UBE2K: variants seen among roughly 807,000 people sequenced by gnomAD.
UBE2K encodes ubiquitin conjugating enzyme E2 K.
In UBE2K, 6 loss-of-function variants were observed where a neutral mutation model predicts 30.0. The observed-to-expected ratio is 0.20, with a 90% CI of 0.11 to 0.39. The LOEUF is 0.39. Among genes scored for constraint, UBE2K ranks in the 10% least tolerant of loss-of-function variants. The probability of loss-of-function intolerance (pLI) is 1.00; values close to 1 mark genes in which losing one functional copy is unlikely to be tolerated. For synonymous variants in UBE2K, 86 were observed against 83.7 expected (o/e 1.03, Z -0.15); for missense variants, 61 against 241.6 (o/e 0.25, Z 4.96).
chr4:39,729,548 A>G (rs1325362014), intron 1 of UBE2K, among the ~76,000 whole-genome samples: 2 of 151,992 alleles, frequency 1.3e-5, no homozygotes, highest in African/African-American at 4.8e-5. Flanking sequence ...GCCTTAATTC[A>G]TCTTCTTTTC....
At chr4:39,751,981 A>T (rs1414628462) in intron 3 of UBE2K, among the ~76,000 whole-genome samples, 1 of 152,224 alleles carries the variant, frequency 6.6e-6, no homozygotes. Flanking sequence ...AAAGTAAAAA[A>T]ATAAGATTAA....
At chr4:39,742,152 T>A (rs189715768) in intron 2 of UBE2K, among the ~76,000 whole-genome samples, 1 of 152,126 alleles carries the variant, frequency 6.6e-6, no homozygotes, top group East Asian at 1.9e-4. Flanking sequence ...GTATGATGGG[T>A]TATAGAGATG....
At position 39,780,352 on chromosome 4, in the gene UBE2K, G is replaced by A. The variant is rs1050385888; in HGVS notation, c.*1918G>A. ...ACTTGGTAGTATTAGTAGAATTTGG[G>A]TTTAAAAATATCAGACACATCTACC... is the stretch of plus-strand genomic sequence containing the variant. On this transcript the variant is annotated 3_prime_UTR_variant, in exon 7 of 7. Coordinates refer to ENST00000261427, the MANE Select transcript of UBE2K (RefSeq NM_005339.5). 6 of 152,044 alleles carry A rather than the reference G, an allele frequency of 3.9e-5. No individual in the cohort carries two copies. Among genetic ancestry groups the A allele is most frequent in the Admixed American group, 1.3e-4 (2 of 15,250 alleles). The allele number at this position is 152,044 out of a possible 1,614,324, so 9.4% of individuals were successfully genotyped here.
rs570795450 is a variant in UBE2K, at chr4:39,770,235, T to C, written c.300-4599T>C. The stretch of plus-strand genomic sequence containing the variant: ...GCAGCGGTAGGGCTGCGCTCCCGAG[T>C]GCAGGTTGAGGTGGTCGTGCAGGGT... On this transcript the variant is annotated intron_variant, in intron 4 of 6. Coordinates refer to ENST00000261427, the MANE Select transcript of UBE2K (RefSeq NM_005339.5). The C allele has an allele frequency of 1.7e-4, 275 of 1,611,882 alleles. No individual in the cohort carries two copies. In the South Asian group the frequency reaches 2.3e-3, roughly 14 times the overall value.
At position 39,698,157 on chromosome 4, in the gene UBE2K, G is replaced by C; in HGVS notation, c.-171G>C. ...CGGCGCCATTTTGGTGGCCGGGCGCGGAGGTGATTCCACACTGAGGCGAGC... is the reference window on the plus strand; with the variant it reads ...CGGCGCCATTTTGGTGGCCGGGCGCCGAGGTGATTCCACACTGAGGCGAGC... On this transcript the variant is annotated 5_prime_UTR_variant, in exon 1 of 7. Transcript: ENST00000261427. 1 of 680,512 alleles carries C rather than the reference G, an allele frequency of 1.5e-6. No homozygotes were observed. Among genetic ancestry groups the C allele is most frequent in the Non-Finnish European group, 2.6e-6 (1 of 379,512 alleles). 42.2% of individuals were successfully genotyped at this position (680,512 alleles called of 1,614,324 possible). A position where few individuals can be genotyped will look rare whatever the true frequency, so the allele number is the denominator to read the frequency against.
chr4:39,717,266 C>T (rs1178427925), intron 1 of UBE2K, among the ~76,000 whole-genome samples: 1 of 148,952 alleles, frequency 6.7e-6, no homozygotes, highest in African/African-American at 2.5e-5. Flanking sequence ...TGGACTCTCG[C>T]TATATCGCCC....
intron 4 of UBE2K, among the ~76,000 whole-genome samples, chr4:39,766,455 C>T (rs191052875): frequency 2.3e-4 from 35 of 151,576 alleles, no homozygotes; most frequent in Non-Finnish European, 4.4e-4. Context: ...TGTTCACATC[C>T]CTTGTCGATT....
At chr4:39,705,597 A>G (rs1718306254) in intron 1 of UBE2K, among the ~76,000 whole-genome samples, 1 of 152,134 alleles carries the variant, frequency 6.6e-6, no homozygotes, top group Non-Finnish European at 1.5e-5. Flanking sequence ...GATACAGGGC[A>G]GACAAAGGAT....
At chr4:39,707,429 A>T (rs1001114775) in intron 1 of UBE2K, among the ~76,000 whole-genome samples, 12 of 151,484 alleles carry the variant, frequency 7.9e-5, no homozygotes, top group African/African-American at 2.9e-4. Flanking sequence ...CGAACTTCAG[A>T]CCTCAGGTGA....
At chr4:39,707,537 CTTTT>C (rs35461119) in intron 1 of UBE2K, among the ~76,000 whole-genome samples, 1 of 139,966 alleles carries the variant, frequency 7.1e-6, no homozygotes, top group Admixed American at 7.2e-5. Context: ...AGCTAGGTGC[CTTTT>C]TTTTTTTTTT....
rs968615400 is a variant in UBE2K at position 39,774,879 on chromosome 4, A to T, written c.345A>T (p.Ala115=). The change falls in exon 5 of 7, where the codon GCA becomes GCT. Residue 115 remains alanine, a synonymous_variant. Transcript: ENST00000261427. ...GCACGGTATTATTGTCATTGCAAGCACTATTGGCAGCTGCAGAGCCAGATG... is the reference window on the plus strand; with the variant it reads ...GCACGGTATTATTGTCATTGCAAGCTCTATTGGCAGCTGCAGAGCCAGATG... The part of the protein sequence containing the change: ...TLRTVLLSLQ[A]LLAAAEPDDP... The T allele has an allele frequency of 1.2e-6, 2 of 1,605,818 alleles. No individual in the cohort carries two copies. Among genetic ancestry groups the T allele is most frequent in the Non-Finnish European group, 1.7e-6 (2 of 1,173,910 alleles).
At chr4:39,730,334 G>A (rs1032109794) in intron 1 of UBE2K, among the ~76,000 whole-genome samples, 1 of 151,910 alleles carries the variant, frequency 6.6e-6, no homozygotes, top group Non-Finnish European at 1.5e-5. Context: ...ACAGACACAC[G>A]TTTTTTGTTT....
intron 1 of UBE2K, among the ~76,000 whole-genome samples, chr4:39,727,928 G>A (rs536346844): frequency 5.9e-5 from 9 of 152,022 alleles, no homozygotes; most frequent in East Asian, 1.9e-4. Flanking sequence ...TCAGGAGTTC[G>A]AGACCAGCCT....
intron 4 of UBE2K, among the ~76,000 whole-genome samples, chr4:39,757,008 T>TTG (rs1221450649): frequency 1.3e-4 from 13 of 99,760 alleles, no homozygotes; most frequent in Admixed American, 1.1e-3. Flanking sequence ...GTGTTTTTTT[T>TTG]TTGTTTTTTG....
intron 1 of UBE2K, among the ~76,000 whole-genome samples, chr4:39,699,442 C>G (rs781703965): frequency 3.3e-5 from 5 of 152,128 alleles, no homozygotes; most frequent in Non-Finnish European, 7.4e-5. Flanking sequence ...CTCTTAAGTC[C>G]TGCAGAATTT....
At chr4:39,748,537 T>C (rs895090846) in intron 3 of UBE2K, among the ~76,000 whole-genome samples, 3 of 151,548 alleles carry the variant, frequency 2.0e-5, no homozygotes, top group Non-Finnish European at 4.4e-5. Context: ...CCCAGCACTT[T>C]AGGAAGTCAA....
chr4:39,740,994 T>TG (rs1250503763), intron 2 of UBE2K, among the ~76,000 whole-genome samples: 1 of 151,208 alleles, frequency 6.6e-6, no homozygotes. Flanking sequence ...TATATCTGCC[T>TG]GGGCGGGGTG....
intron 4 of UBE2K, chr4:39,771,246 A>G: frequency 1.9e-6 from 3 of 1,612,014 alleles, no homozygotes; most frequent in Non-Finnish European, 1.7e-6. Flanking sequence ...AGCTGGGGTT[A>G]AGCAGGAACT....
chr4:39,712,240 C>T (rs1404876497), intron 1 of UBE2K, among the ~76,000 whole-genome samples: 1 of 119,102 alleles, frequency 8.4e-6, no homozygotes, highest in Non-Finnish European at 1.7e-5. Context: ...CTCGCTCTGT[C>T]ACCCAGGCTG....
Sources: gnomAD v4.1 joint callset for allele counts (sites outside exome capture counted in the v4.1 genomes callset) on GRCh38, gnomAD v4.1.1 for gene constraint, MANE v1.5 for transcripts, NCBI Gene and HGNC (gene_info 2026-07-23, HGNC 2026-07-21) for gene names.